The following MLLT3 variants were observed in gnomAD, a reference collection of about 807,000 sequenced individuals.
MLLT3 encodes protein AF-9.
MLLT3 carries 4 observed loss-of-function variants against 53.2 expected under a neutral mutation model. The observed-to-expected ratio is 0.08, with a 90% CI of 0.04 to 0.17. The LOEUF is 0.17. MLLT3 is among the 10% of genes least tolerant of loss of function. The probability of loss-of-function intolerance (pLI) is 1.00; values close to 1 mark genes in which losing one functional copy is unlikely to be tolerated. For missense variants in MLLT3, 569 were observed against 684.0 expected, an observed-to-expected ratio of 0.83 and a Z score of 1.87; for synonymous variants, 283 against 230.6, an observed-to-expected ratio of 1.23 and a Z score of -2.06.
At chr9:20,596,749 A>G (rs1161064602) in intron 2 of MLLT3, among the ~76,000 whole-genome samples, 4 of 152,184 alleles carry the variant, frequency 2.6e-5, no homozygotes, top group African/African-American at 9.7e-5. Flanking sequence ...TTAAAAATGT[A>G]GTCTCACTCA....
chr9:20,599,864 C>T (rs1820373322), intron 2 of MLLT3, among the ~76,000 whole-genome samples: 1 of 152,080 alleles, frequency 6.6e-6, no homozygotes, highest in South Asian at 2.1e-4. Flanking sequence ...TCTTGGATGC[C>T]ACGTCTGTAA....
At chr9:20,355,117 AC>A (rs1190021610) in intron 8 of MLLT3, among the ~76,000 whole-genome samples, 13 of 151,154 alleles carry the variant, frequency 8.6e-5, no homozygotes, top group East Asian at 3.9e-4. Flanking sequence ...AAAAAAAAAA[AC>A]AACACAGTTG....
intron 2 of MLLT3, among the ~76,000 whole-genome samples, chr9:20,488,464 G>T (rs919070080): frequency 5.3e-5 from 8 of 152,062 alleles, no homozygotes; most frequent in Non-Finnish European, 1.2e-4. Flanking sequence ...CGTAGAAAAA[G>T]ATTAAAAATT....
chr9:20,501,776 A>C lies in MLLT3; in HGVS notation c.194-44990T>G, dbSNP rs1353428287. 2.7e-5 allele frequency among the ~76,000 whole-genome samples: 4 copies of C among 148,732 alleles called. No homozygotes were observed. In the South Asian group the frequency reaches 6.3e-4, roughly 23 times the overall value. ...CCGTCTCAAAAAAAAAAAAAAAAAAAAAAAAAAAAACCGCACCCAAGAGGT... is the reference window on the plus strand; with the variant it reads ...CCGTCTCAAAAAAAAAAAAAAAAAACAAAAAAAAAACCGCACCCAAGAGGT... On this transcript the variant is annotated intron_variant, in intron 2 of 10. Coordinates refer to ENST00000380338, the MANE Select transcript of MLLT3 (RefSeq NM_004529.4).
intron 5 of MLLT3, among the ~76,000 whole-genome samples, chr9:20,409,740 C>A (rs1822675688): frequency 6.6e-6 from 1 of 152,178 alleles, no homozygotes; most frequent in Admixed American, 6.5e-5. Context: ...CAAGCCCCTA[C>A]CAAATTCTTC....
At chr9:20,466,522 T>A (rs906474313) in intron 2 of MLLT3, among the ~76,000 whole-genome samples, 1 of 152,338 alleles carries the variant, frequency 6.6e-6, no homozygotes, top group South Asian at 2.1e-4. Context: ...ATCAGTTTAC[T>A]GTTTTCTCCC....
chr9:20,581,839 ACAG>A (rs780221561), intron 2 of MLLT3, among the ~76,000 whole-genome samples: 62 of 152,202 alleles, frequency 4.1e-4, no homozygotes, highest in Middle Eastern at 3.4e-3. Context: ...AACAACAACA[ACAG>A]AAATGCATTT....
chr9:20,482,886 C>T (rs1209751223), intron 2 of MLLT3, among the ~76,000 whole-genome samples: 1 of 152,182 alleles, frequency 6.6e-6, no homozygotes, highest in Non-Finnish European at 1.5e-5. Flanking sequence ...ATGAGTTTAA[C>T]ACATTACCCG....
intron 5 of MLLT3, among the ~76,000 whole-genome samples, chr9:20,384,167 T>C (rs1249835266): frequency 1.3e-5 from 2 of 152,046 alleles, no homozygotes; most frequent in Admixed American, 1.3e-4. Context: ...TGTTAACTTG[T>C]CTTGGTAGTA....
chr9:20,617,692 C>G (rs1287366150), intron 2 of MLLT3, among the ~76,000 whole-genome samples: 1 of 152,148 alleles, frequency 6.6e-6, no homozygotes, highest in East Asian at 1.9e-4. Flanking sequence ...GCATCATACT[C>G]TGACCTACCT....
At chr9:20,381,298 T>C (rs192464019) in intron 5 of MLLT3, among the ~76,000 whole-genome samples, 11 of 152,098 alleles carry the variant, frequency 7.2e-5, no homozygotes, top group Middle Eastern at 3.4e-3. Flanking sequence ...GCATTTAATT[T>C]ATAGACATCC....
intron 2 of MLLT3, among the ~76,000 whole-genome samples, chr9:20,597,485 T>C (rs1368027138): frequency 6.6e-6 from 1 of 152,162 alleles, no homozygotes; most frequent in Non-Finnish European, 1.5e-5. Flanking sequence ...AAGATTTCCT[T>C]TACAACAAAT....
intron 2 of MLLT3, among the ~76,000 whole-genome samples, chr9:20,478,664 TGAATAA>T (rs1170058647): frequency 1.3e-5 from 2 of 152,160 alleles, no homozygotes; most frequent in Non-Finnish European, 2.9e-5. Context: ...CACAGGACCG[TGAATAA>T]GATGACCTGG....
rs183945593 is a variant in MLLT3, at chr9:20,617,259, A to C, written c.193+3395T>G. On this transcript the variant is annotated intron_variant, in intron 2 of 10. Transcript: ENST00000380338. ...TCAAGTATTAGTTACCTTGATAAAA[A>C]CTTACCCAAATTATTTCAGAAGACC... Among the ~76,000 whole-genome samples, 32 of 152,312 alleles carry C rather than the reference A, an allele frequency of 2.1e-4. No individual in the cohort carries two copies. In the East Asian group the frequency reaches 6.0e-3, roughly 28 times the overall value.
chr9:20,542,631 G>A (rs1038519665), intron 2 of MLLT3, among the ~76,000 whole-genome samples: 5 of 152,120 alleles, frequency 3.3e-5, no homozygotes, highest in Admixed American at 1.3e-4. Flanking sequence ...GTAAACAGAT[G>A]TGCTGTCATC....
At chr9:20,534,662 G>A (rs369153201) in intron 2 of MLLT3, among the ~76,000 whole-genome samples, 18 of 152,252 alleles carry the variant, frequency 1.2e-4, no homozygotes, top group Non-Finnish European at 2.1e-4. Flanking sequence ...CAAGGCGGGC[G>A]GATCACGAGG....
chr9:20,424,086 A>G (rs905070760), intron 4 of MLLT3, among the ~76,000 whole-genome samples: 6 of 152,216 alleles, frequency 3.9e-5, no homozygotes, highest in African/African-American at 1.4e-4. Flanking sequence ...CATAAATTAT[A>G]TGCAAATACT....
At chr9:20,574,336 C>A (rs1819603574) in intron 2 of MLLT3, among the ~76,000 whole-genome samples, 1 of 152,134 alleles carries the variant, frequency 6.6e-6, no homozygotes, top group African/African-American at 2.4e-5. Context: ...TTGATTTATA[C>A]CACACATTTT....
chr9:20,394,749 C>T (rs1822276751), intron 5 of MLLT3, among the ~76,000 whole-genome samples: 1 of 152,008 alleles, frequency 6.6e-6, no homozygotes, highest in South Asian at 2.1e-4. Context: ...TAAACTCTTT[C>T]TCAGAAAAGA....
Sources: allele counts gnomAD v4.1 joint callset (sites outside exome capture counted in the v4.1 genomes callset), GRCh38; gene constraint gnomAD v4.1.1; transcripts MANE v1.5; gene names NCBI Gene and HGNC (gene_info 2026-07-23, HGNC 2026-07-21).